The following EPHA4 variants were observed in gnomAD, a reference collection of about 807,000 sequenced individuals.
The protein encoded by EPHA4 is EPH receptor A4, also known as ephrin type-A receptor 4.
A neutral mutation model predicts 108.3 loss-of-function variants in EPHA4; 19 were observed. The ratio of observed to expected loss-of-function variants is 0.18; its 90% CI spans 0.12 to 0.26. The LOEUF (loss-of-function observed/expected upper bound fraction) is 0.26, where lower values mean the gene tolerates loss of function less well. Ranked by LOEUF, EPHA4 falls within the 10% of genes least tolerant of loss-of-function variation. The pLI is 1.00. For missense variants in EPHA4, 917 were observed against 1,254.0 expected, an observed-to-expected ratio of 0.73 and a Z score of 4.06; for synonymous variants, 449 against 455.5, an observed-to-expected ratio of 0.99 and a Z score of 0.18.
At chr2:221,482,208 G>A (rs1691840860) in intron 5 of EPHA4, 144 bp downstream of exon 5, 4 of 870,554 alleles carry the variant, frequency 4.6e-6, no homozygotes, top group Admixed American at 3.0e-5. Flanking sequence ...ACCGTGCCCA[G>A]CCCCTAAGTA....
intron 3 of EPHA4, among the ~76,000 whole-genome samples, chr2:221,561,110 C>T (rs551085705): frequency 4.7e-4 from 72 of 152,050 alleles, no homozygotes; most frequent in African/African-American, 1.6e-3. Context: ...GGCGTGGTGG[C>T]GGGCGCCTGT....
chr2:221,418,206 A>G lies in EPHA4; in HGVS notation c.*3166T>C, dbSNP rs1205839110. On this transcript the variant is annotated 3_prime_UTR_variant, in exon 18 of 18. Transcript: ENST00000281821. Reference sequence around the variant, plus strand: ...ACCTTGACAAATTAAAACAAAATAGAAAATCTATGTCTAACTCCAGAAATC... The same window carrying G: ...ACCTTGACAAATTAAAACAAAATAGGAAATCTATGTCTAACTCCAGAAATC... 1 of 152,666 alleles carries G rather than the reference A, an allele frequency of 6.6e-6. No individual in the cohort carries two copies. Among genetic ancestry groups the G allele is most frequent in the African/African-American group, 2.4e-5 (1 of 41,470 alleles). 9.5% of individuals were successfully genotyped at this position (152,666 alleles called of 1,614,324 possible). A position where few individuals can be genotyped will look rare whatever the true frequency, so the allele number is the denominator to read the frequency against.
intron 3 of EPHA4, among the ~76,000 whole-genome samples, chr2:221,537,902 C>T (rs1693716575): frequency 6.6e-6 from 1 of 152,174 alleles, no homozygotes; most frequent in Admixed American, 6.5e-5. Flanking sequence ...GAAGACAGTT[C>T]CAAAACATTT....
chr2:221,420,289 G>C lies in EPHA4; in HGVS notation c.*1083C>G, dbSNP rs1689719859. ...TCTGCAGAGCTGGTGCTGCGAGACAGTGCATTCCTCAGTGCAACTGGAGAA... is the reference window on the plus strand; with the variant it reads ...TCTGCAGAGCTGGTGCTGCGAGACACTGCATTCCTCAGTGCAACTGGAGAA... On this transcript the variant is annotated 3_prime_UTR_variant, in exon 18 of 18. Transcript: ENST00000281821. The C allele has an allele frequency of 2.6e-5, 4 of 152,802 alleles. No individual in the cohort carries two copies. In the South Asian group the frequency reaches 8.3e-4, roughly 32 times the overall value. 9.5% of individuals were successfully genotyped at this position (152,802 alleles called of 1,614,324 possible). A position where few individuals can be genotyped will look rare whatever the true frequency, so the allele number is the denominator to read the frequency against.
intron 4 of EPHA4, among the ~76,000 whole-genome samples, chr2:221,486,891 A>G (rs1158532709): frequency 6.6e-6 from 1 of 152,144 alleles, no homozygotes; most frequent in African/African-American, 2.4e-5. Context: ...CCTTTAATGC[A>G]TCTTATACCC....
At chr2:221,442,641 T>C (rs1690461968) in intron 11 of EPHA4, among the ~76,000 whole-genome samples, 188 bp downstream of exon 11, 1 of 152,188 alleles carries the variant, frequency 6.6e-6, no homozygotes, top group South Asian at 2.1e-4. Flanking sequence ...GCCTTGGAGA[T>C]AGGGTATCCA....
intron 3 of EPHA4, among the ~76,000 whole-genome samples, chr2:221,553,395 GA>G (rs1447082584): frequency 6.6e-6 from 1 of 152,196 alleles, no homozygotes; most frequent in Non-Finnish European, 1.5e-5. Context: ...AGTTCTTAAG[GA>G]CAAAAGCCCA....
intron 8 of EPHA4, 142 bp downstream of exon 8, chr2:221,455,405 C>A: frequency 3.0e-6 from 2 of 664,970 alleles, no homozygotes; most frequent in Non-Finnish European, 2.6e-6. Context: ...GTGGGAAGAT[C>A]AAAGCAACAA....
At chr2:221,448,993 C>T (rs892273948) in intron 8 of EPHA4, among the ~76,000 whole-genome samples, 3 of 152,146 alleles carry the variant, frequency 2.0e-5, no homozygotes, top group African/African-American at 4.8e-5. Context: ...AAGGTTGACA[C>T]GCCCATCCCT....
At chr2:221,484,821 C>A (rs762454065) in intron 4 of EPHA4, among the ~76,000 whole-genome samples, 6 of 152,094 alleles carry the variant, frequency 3.9e-5, no homozygotes, top group Non-Finnish European at 8.8e-5. Flanking sequence ...TACTATCTGC[C>A]ATTTGGAGTT....
Position 221,477,343 on chromosome 2 carries a change from T to TTCA in EPHA4, c.1318+5008_1318+5009insTGA, listed in dbSNP as rs1691686879. On this transcript the variant is annotated intron_variant, in intron 5 of 17. Transcript: ENST00000281821. ...ACATGGCTATGGAACCCTGAAATGG[T>TTCA]GGGCACTGCTATGAAGTCTGTTCTT... Among the ~76,000 whole-genome samples the TTCA allele has an allele frequency of 2.0e-5, 3 of 152,280 alleles. No homozygotes were observed. The South Asian group carries it at 6.2e-4, about 32-fold the overall frequency.
intron 3 of EPHA4, among the ~76,000 whole-genome samples, chr2:221,562,678 C>T (rs896270234): frequency 1.3e-5 from 2 of 152,062 alleles, no homozygotes; most frequent in South Asian, 2.1e-4. Context: ...GATTGGCAGC[C>T]GCAGACTGTT....
At chr2:221,523,630 G>A (rs1693239215) in intron 3 of EPHA4, among the ~76,000 whole-genome samples, 1 of 150,936 alleles carries the variant, frequency 6.6e-6, no homozygotes, top group Non-Finnish European at 1.5e-5. Flanking sequence ...GCCTCCCTCT[G>A]TCACCCAGGC....
intron 14 of EPHA4, among the ~76,000 whole-genome samples, chr2:221,433,039 T>C (rs966348520): frequency 6.6e-6 from 1 of 152,086 alleles, no homozygotes; most frequent in African/African-American, 2.4e-5. Context: ...TTGCTCAGGC[T>C]GGTCTCGAAC....
chr2:221,429,870 G>T, intron 15 of EPHA4, 88 bp downstream of exon 15: 1 of 1,475,542 alleles, frequency 6.8e-7, no homozygotes, highest in Non-Finnish European at 9.3e-7. Context: ...GGCCTCTGAT[G>T]AAAAGGCAGG....
intron 8 of EPHA4, among the ~76,000 whole-genome samples, chr2:221,452,880 C>T (rs999426206): frequency 6.6e-6 from 1 of 152,138 alleles, no homozygotes; most frequent in Non-Finnish European, 1.5e-5. Context: ...AGTCATCAAG[C>T]TTAAGGATGC....
chr2:221,493,125 G>A (rs1277038065), intron 4 of EPHA4, among the ~76,000 whole-genome samples: 3 of 152,148 alleles, frequency 2.0e-5, no homozygotes, highest in Admixed American at 6.5e-5. Context: ...TTTCACTAGA[G>A]CTAACTGCAC....
chr2:221,501,172 G>A lies in EPHA4; in HGVS notation c.824C>T (p.Ala275Val). The part of the protein sequence containing the change: ...GHEERSGECQ[A>V]CKIGYYKALS... ...AGCCTTGTAATATCCAATTTTGCAA[G>A]CTGCAGGGAAGAAGAAAAAAACAAA... The change falls in exon 4 of 18, where the codon GCT becomes GTT. Residue 275 changes from alanine to valine, a missense_variant and splice_region_variant. This residue lies in a region of EPHA4 where 758 missense variants were observed against 1,076.7 expected (regional missense o/e 0.70). Coordinates refer to ENST00000281821, the MANE Select transcript of EPHA4 (RefSeq NM_004438.5). 6.4e-7 allele frequency: 1 copy of A among 1,573,510 alleles called. No homozygotes were observed. Among genetic ancestry groups the A allele is most frequent in the Non-Finnish European group, 8.6e-7 (1 of 1,162,988 alleles).
chr2:221,570,283 G>A (rs1288857167), intron 1 of EPHA4, among the ~76,000 whole-genome samples: 1 of 151,012 alleles, frequency 6.6e-6, no homozygotes, highest in Non-Finnish European at 1.5e-5. Context: ...AGGGCTCTCA[G>A]AGCCTTTTTG....
Sources: gnomAD v4.1 joint callset for allele counts (sites outside exome capture counted in the v4.1 genomes callset) on GRCh38, gnomAD v4.1.1 for gene constraint, gnomAD v4.1.1 regional missense constraint, MANE v1.5 for transcripts, NCBI Gene and HGNC (gene_info 2026-07-23, HGNC 2026-07-21) for gene names.